The following NR3C1 variants were observed in gnomAD, a reference collection of about 807,000 sequenced individuals.
The protein encoded by NR3C1 is glucocorticoid receptor.
In NR3C1, 14 loss-of-function variants were observed where a neutral mutation model predicts 74.0. The ratio of observed to expected loss-of-function variants is 0.19; its 90% confidence interval spans 0.12 to 0.30. The LOEUF is 0.30. Ranked by LOEUF, NR3C1 falls within the 10% of genes least tolerant of loss-of-function variation. The probability of loss-of-function intolerance (pLI) is 1.00; values close to 1 mark genes in which losing one functional copy is unlikely to be tolerated. For synonymous variants in NR3C1, 308 were observed against 332.5 expected, an observed-to-expected ratio of 0.93 and a Z score of 0.80; for missense variants, 695 against 909.8, an observed-to-expected ratio of 0.76 and a Z score of 3.04.
At chr5:143,323,247 G>T (rs1018203549) in intron 2 of NR3C1, among the ~76,000 whole-genome samples, 1 of 152,092 alleles carries the variant, frequency 6.6e-6, no homozygotes, top group African/African-American at 2.4e-5. Flanking sequence ...CCTAAAACTG[G>T]GAAGAAAAAG....
chr5:143,301,424 TTTACA>T (rs1818461274), intron 4 of NR3C1, among the ~76,000 whole-genome samples: 1 of 152,136 alleles, frequency 6.6e-6, no homozygotes, highest in Non-Finnish European at 1.5e-5. Context: ...AATGAAAAAC[TTTACA>T]TTACATAAAT....
Position 143,398,138 on chromosome 5 carries a change from C to T in NR3C1, c.1184+1518G>A, listed in dbSNP as rs568176873. On this transcript the variant is annotated intron_variant, in intron 2 of 8. Coordinates refer to ENST00000394464, the MANE Select transcript of NR3C1 (RefSeq NM_000176.3). Reference sequence around the variant, plus strand: ...AAAACCAAGTATGCGAATTCTATTGCCAAAAATTTGCAATTGAAAATTTTA... The same window carrying T: ...AAAACCAAGTATGCGAATTCTATTGTCAAAAATTTGCAATTGAAAATTTTA... 1.1e-3 allele frequency among the ~76,000 whole-genome samples: 173 copies of T among 152,012 alleles called. 1 individual carries two copies. The highest frequency in any genetic ancestry group is 3.2e-3 in the African/African-American group (134 of 41,530).
chr5:143,305,959 G>A (rs1599805804), intron 4 of NR3C1, among the ~76,000 whole-genome samples: 1 of 152,124 alleles, frequency 6.6e-6, no homozygotes, highest in African/African-American at 2.4e-5. Context: ...GTAATATTTG[G>A]TTATAAATCT....
intron 1 of NR3C1, among the ~76,000 whole-genome samples, chr5:143,402,097 G>A (rs1600628183): frequency 6.6e-6 from 1 of 152,084 alleles, no homozygotes; most frequent in Non-Finnish European, 1.5e-5. Context: ...TAGAGAGAGG[G>A]GTGTGGACTT....
At chr5:143,331,521 T>C (rs998463886) in intron 2 of NR3C1, among the ~76,000 whole-genome samples, 11 of 152,074 alleles carry the variant, frequency 7.2e-5, no homozygotes, top group South Asian at 2.1e-4. Flanking sequence ...AGCAAAGACA[T>C]AGAATCAACC....
chr5:143,347,385 C>G (rs1205348747), intron 2 of NR3C1, among the ~76,000 whole-genome samples: 1 of 152,112 alleles, frequency 6.6e-6, no homozygotes, highest in Non-Finnish European at 1.5e-5. Flanking sequence ...TGAAAACAGA[C>G]TTTAACCCAG....
intron 7 of NR3C1, among the ~76,000 whole-genome samples, chr5:143,284,459 T>C (rs180905726): frequency 1.7e-4 from 22 of 127,018 alleles, no homozygotes; most frequent in Admixed American, 3.8e-4. Context: ...TAACAATGGG[T>C]TAATTTTACA....
At chr5:143,402,760 G>A (rs1840560197) in intron 1 of NR3C1, 12 of 985,390 alleles carry the variant, frequency 1.2e-5, no homozygotes, top group Non-Finnish European at 1.3e-5. Flanking sequence ...CCGGAGCCCG[G>A]GCTCGCGCTC....
intron 1 of NR3C1, among the ~76,000 whole-genome samples, chr5:143,431,190 T>C (rs950813025): frequency 8.5e-5 from 13 of 152,234 alleles, no homozygotes; most frequent in African/African-American, 2.4e-4. Context: ...CAGGAGCTTC[T>C]GGGGAGAGAG....
chr5:143,356,700 C>T (rs930049013), intron 2 of NR3C1, among the ~76,000 whole-genome samples: 1 of 141,042 alleles, frequency 7.1e-6, no homozygotes, highest in Non-Finnish European at 1.5e-5. Flanking sequence ...AAAAAAAAAA[C>T]ACACGCAAAT....
chr5:143,383,075 G>C (rs1366316798), intron 2 of NR3C1, among the ~76,000 whole-genome samples: 1 of 152,200 alleles, frequency 6.6e-6, no homozygotes, highest in African/African-American at 2.4e-5. Context: ...GTTTCTGCTG[G>C]AAAGAGCCTG....
Position 143,295,531 on chromosome 5 carries a change from G to C in NR3C1, c.1952C>G (p.Ser651Cys). 3.1e-6 allele frequency: 5 copies of C among 1,613,348 alleles called. No individual in the cohort carries two copies. The highest frequency in any genetic ancestry group is 4.2e-6 in the Non-Finnish European group (5 of 1,179,528). The change falls in exon 7 of 9, where the codon TCT becomes TGT. Residue 651 changes from serine (S) to cysteine (C), a missense_variant. Around this residue, in one of 4 missense-constraint regions of NR3C1, gnomAD observed 133 missense variants for 287.9 expected, o/e 0.46. Coordinates refer to ENST00000394464, the MANE Select transcript of NR3C1 (RefSeq NM_000176.3). ...AGATACCTGAAGCCTGTGTAACTCA[G>C]AGGAAACATACAGCATGTGTTTACA... is the stretch of plus-strand genomic sequence containing the variant. ...DQCKHMLYVS[S>C]ELHRLQVSYE...
At chr5:143,294,382 T>A in intron 7 of NR3C1, 1 of 853,720 alleles carries the variant, frequency 1.2e-6, no homozygotes, top group Non-Finnish European at 1.4e-6. Context: ...TAATACCAAC[T>A]AGTTCATAGA....
At chr5:143,407,410 T>G (rs1282992484), upstream of NR3C1, 2 of 152,212 alleles carry the variant, frequency 1.3e-5, no homozygotes, top group African/African-American at 4.8e-5. Flanking sequence ...TAAACTAGAT[T>G]AGATTCTTGA....
intron 7 of NR3C1, chr5:143,294,372 T>TA: frequency 1.2e-6 from 1 of 861,202 alleles, no homozygotes; most frequent in Non-Finnish European, 1.4e-6. Flanking sequence ...CTAAGGTTTA[T>TA]AATACCAACT....
chr5:143,344,472 A>C (rs1828842733), intron 2 of NR3C1, among the ~76,000 whole-genome samples: 1 of 152,362 alleles, frequency 6.6e-6, no homozygotes, highest in Non-Finnish European at 1.5e-5. Flanking sequence ...TAAGCTCAGA[A>C]AGGGTTGCTA....
In NR3C1 at chr5:143,286,512, A is replaced by G. The variant is rs117931558; in HGVS notation, c.2024-3787T>C. 1.0e-3 allele frequency among the ~76,000 whole-genome samples: 156 copies of G among 152,278 alleles called. 3 individuals carry two copies. In the East Asian group the frequency reaches 0.022, roughly 22 times the overall value. On this transcript the variant is annotated intron_variant, in intron 7 of 8. Coordinates refer to ENST00000394464, the MANE Select transcript of NR3C1 (RefSeq NM_000176.3). ...ATTAGTGACTAAAAACGAAAAATATATGATCTTGAGGCACAAAAGCATATG... is the reference window on the plus strand; with the variant it reads ...ATTAGTGACTAAAAACGAAAAATATGTGATCTTGAGGCACAAAAGCATATG...
intron 2 of NR3C1, among the ~76,000 whole-genome samples, chr5:143,374,776 T>G (rs1834877130): frequency 6.6e-6 from 1 of 152,158 alleles, no homozygotes; most frequent in African/African-American, 2.4e-5. Flanking sequence ...CAGCTGTACT[T>G]GAACACAGCT....
At position 143,279,264 on chromosome 5, in the gene NR3C1, G is replaced by A. The variant is rs1303150840; in HGVS notation, c.*2625C>T. On this transcript the variant is annotated 3_prime_UTR_variant, in exon 9 of 9. Transcript: ENST00000394464. ...TAATGAAAAGCCTCCTATAGTTGTC[G>A]ATGAGCATCAGTTGACTTATTATTG... The A allele has an allele frequency of 5.9e-6, 8 of 1,362,828 alleles. No homozygotes were observed. The highest frequency in any genetic ancestry group is 5.2e-5 in the Admixed American group (2 of 38,374). The allele number at this position is 1,362,828 out of a possible 1,614,324, so 84.4% of individuals were successfully genotyped here. A position where few individuals can be genotyped will look rare whatever the true frequency, so the allele number is the denominator to read the frequency against.
Sources: gnomAD v4.1 joint callset for allele counts (sites outside exome capture counted in the v4.1 genomes callset) on GRCh38, gnomAD v4.1.1 for gene constraint, gnomAD v4.1.1 regional missense constraint, MANE v1.5 for transcripts, NCBI Gene and HGNC (gene_info 2026-07-23, HGNC 2026-07-21) for gene names.